Variants in JAK1 observed in about 807,000 individuals in gnomAD.
The protein encoded by JAK1 is Janus kinase 1.
In JAK1, 16 loss-of-function variants were observed where a neutral mutation model predicts 136.6. The ratio of observed to expected loss-of-function variants is 0.12; its 90% CI spans 0.08 to 0.18. The LOEUF is 0.18. Among genes scored for constraint, JAK1 ranks in the 10% least tolerant of loss-of-function variants. JAK1 has a pLI of 1.00. For synonymous variants in JAK1, 492 were observed against 519.5 expected (o/e 0.95, Z 0.72); for missense variants, 859 against 1,450.1 (o/e 0.59, Z 6.62).
At chr1:64,959,784 G>T (rs1317674873) in intron 1 of JAK1, among the ~76,000 whole-genome samples, 1 of 152,090 alleles carries the variant, frequency 6.6e-6, no homozygotes, top group Non-Finnish European at 1.5e-5. Flanking sequence ...CTTCTTTTTT[G>T]ATTTACTCAT....
At chr1:64,896,991 C>A (rs1370394836) in intron 1 of JAK1, among the ~76,000 whole-genome samples, 1 of 152,122 alleles carries the variant, frequency 6.6e-6, no homozygotes, top group Non-Finnish European at 1.5e-5. Flanking sequence ...AAAATATATA[C>A]ATAAACACAG....
At chr1:64,850,733 C>G in intron 12 of JAK1, 71 bp downstream of exon 12, 2 of 1,010,508 alleles carry the variant, frequency 2.0e-6, no homozygotes, top group Non-Finnish European at 3.1e-6. Flanking sequence ...TTCCTTCCCC[C>G]AGATCCCCAA....
At chr1:65,062,757 CAG>C (rs780420877) in intron 1 of JAK1, among the ~76,000 whole-genome samples, 29 of 152,304 alleles carry the variant, frequency 1.9e-4, no homozygotes, top group Non-Finnish European at 3.7e-4. Flanking sequence ...CTAAAAAAGT[CAG>C]AAACTGTTTT....
chr1:64,868,251 C>A (rs1656834113), intron 6 of JAK1, among the ~76,000 whole-genome samples: 2 of 151,992 alleles, frequency 1.3e-5, no homozygotes, highest in Admixed American at 1.3e-4. Flanking sequence ...ACGTTGAGTA[C>A]CCCTGAAACA....
At chr1:64,878,985 A>T in intron 4 of JAK1, 40 bp downstream of exon 4, 1 of 1,603,152 alleles carries the variant, frequency 6.2e-7, no homozygotes, top group Non-Finnish European at 8.5e-7. Flanking sequence ...CCCTCAGTGC[A>T]GAGGGAGCCA....
At chr1:64,890,520 A>G (rs1214442038) in intron 1 of JAK1, among the ~76,000 whole-genome samples, 1 of 152,206 alleles carries the variant, frequency 6.6e-6, no homozygotes, top group Non-Finnish European at 1.5e-5. Flanking sequence ...TACAAGGATT[A>G]AAAATATCTT....
At chr1:64,854,253 G>C (rs72920158) in intron 11 of JAK1, among the ~76,000 whole-genome samples, 3,214 of 152,266 alleles carry the variant, frequency 0.021, 142 homozygotes, top group African/African-American at 0.074. Context: ...TGGTGTGAGG[G>C]TTTATGGACA....
At position 64,839,132 on chromosome 1, in the gene JAK1, C is replaced by T. The variant is rs1283686478; in HGVS notation, c.2842+471G>A. Reference sequence around the variant, plus strand: ...CTGCAGTCCAGCCTGGGCCACAGAGCGAGACTCCGTCTCAAAAAAAAAAAA... The same window carrying T: ...CTGCAGTCCAGCCTGGGCCACAGAGTGAGACTCCGTCTCAAAAAAAAAAAA... On this transcript the variant is annotated intron_variant, in intron 20 of 24. Coordinates refer to ENST00000342505, the MANE Select transcript of JAK1 (RefSeq NM_002227.4). 2.1e-4 allele frequency among the ~76,000 whole-genome samples: 23 copies of T among 111,216 alleles called. No homozygotes were observed. In the Admixed American group the frequency reaches 2.1e-3, roughly 10 times the overall value. The allele number at this position is 111,216 out of a possible 152,430, so 73.0% of individuals were successfully genotyped here.
intron 12 of JAK1, among the ~76,000 whole-genome samples, chr1:64,849,468 C>T (rs1457707380): frequency 6.6e-6 from 1 of 152,174 alleles, no homozygotes; most frequent in Non-Finnish European, 1.5e-5. Flanking sequence ...AGCGCTGGGA[C>T]GACAGGTGTG....
chr1:64,838,718 A>G (rs1023180288), intron 20 of JAK1, 129 bp from the exon 21 acceptor site: 93 of 807,814 alleles, frequency 1.2e-4, no homozygotes, highest in Non-Finnish European at 1.7e-4. Context: ...CAGGCATGTT[A>G]CTTGACCTCT....
chr1:64,892,965 G>A (rs760415541), intron 1 of JAK1, among the ~76,000 whole-genome samples: 1 of 152,132 alleles, frequency 6.6e-6, no homozygotes, highest in Non-Finnish European at 1.5e-5. Context: ...GGGAACCCCA[G>A]GGAAGAGGCT....
chr1:64,984,887 T>C lies in JAK1; in HGVS notation c.-78+59593A>G, dbSNP rs1440599016. 1.7e-6 allele frequency: 2 copies of C among 1,191,738 alleles called. No homozygotes were observed. Among genetic ancestry groups the C allele is most frequent in the African/African-American group, 1.5e-5 (1 of 66,874 alleles). The allele number at this position is 1,191,738 out of a possible 1,614,324, so 73.8% of individuals were successfully genotyped here. ...AGGTCCAGGTGGAGCAGCCGGCCAC[T>C]GCCATCACAGCTGGGCCAGGGCCCT... On this transcript the variant is annotated intron_variant, in intron 2 of 25. Coordinates refer to the JAK1 transcript ENST00000671954. The surrounding 1 kb of genome is among the most constrained non-coding windows in gnomAD (Gnocchi z 4.1).
chr1:64,845,776 G>C, intron 14 of JAK1, 136 bp from the exon 15 acceptor site: 1 of 1,055,386 alleles, frequency 9.5e-7, no homozygotes, highest in Non-Finnish European at 1.4e-6. Context: ...GTGCAATGGT[G>C]CAGGGGCTTC....
At chr1:65,023,913 C>CTTTTT (rs35481521) in intron 2 of JAK1, among the ~76,000 whole-genome samples, 1 of 119,386 alleles carries the variant, frequency 8.4e-6, no homozygotes, top group African/African-American at 3.3e-5. Context: ...TAGATTCATC[C>CTTTTT]TTTTTTTTTT....
At chr1:65,062,285 C>T (rs1375767415) in intron 1 of JAK1, among the ~76,000 whole-genome samples, 1 of 152,148 alleles carries the variant, frequency 6.6e-6, no homozygotes, top group African/African-American at 2.4e-5. Flanking sequence ...CACATTTCAC[C>T]ACTCTCACCC....
intron 8 of JAK1, among the ~76,000 whole-genome samples, chr1:64,862,037 T>C (rs1461391157): frequency 6.6e-6 from 1 of 152,166 alleles, no homozygotes; most frequent in African/African-American, 2.4e-5. Context: ...AAGTGATACA[T>C]GAAGGTCTGA....
At position 64,869,317 on chromosome 1, in the gene JAK1, T is replaced by C; in HGVS notation, c.641A>G (p.Asp214Gly). Residue 214 changes from aspartate (D) to glycine (G), a missense_variant, in exon 6 of 25, where the codon GAC becomes GGC. Transcript: ENST00000342505. ...AGCCAGTGGGAAGCTTTACCTGATG[T>C]CCTTGGGCAGTTCTGGCAACTGCAT... is the stretch of plus-strand genomic sequence containing the variant. ...KKMQLPELPKDISYKRYIPET... is the reference protein window; with the variant it reads ...KKMQLPELPKGISYKRYIPET... 1.2e-6 allele frequency: 2 copies of C among 1,613,814 alleles called. No homozygotes were observed. Among genetic ancestry groups the C allele is most frequent in the Non-Finnish European group, 1.7e-6 (2 of 1,179,846 alleles).
At chr1:65,054,055 A>G (rs560233852) in intron 1 of JAK1, among the ~76,000 whole-genome samples, 1 of 152,226 alleles carries the variant, frequency 6.6e-6, no homozygotes, top group Non-Finnish European at 1.5e-5. Context: ...TTTTAGTTTT[A>G]AAAGCATGAC....
At chr1:64,925,226 A>T (rs1189841415) in intron 1 of JAK1, among the ~76,000 whole-genome samples, 2 of 108,692 alleles carry the variant, frequency 1.8e-5, no homozygotes, top group African/African-American at 6.5e-5. Flanking sequence ...GTGAAACACC[A>T]TCTCTACTAA....
Sources: allele counts gnomAD v4.1 joint callset (sites outside exome capture counted in the v4.1 genomes callset), GRCh38; gene constraint gnomAD v4.1.1; non-coding constraint Gnocchi (gnomAD v3.1); transcripts MANE v1.5; gene names NCBI Gene and HGNC (gene_info 2026-07-23, HGNC 2026-07-21).